Variants in ABCC1 observed in about 807,000 individuals in gnomAD.
ABCC1 encodes the protein multidrug resistance-associated protein 1.
ABCC1 carries 83 observed loss-of-function variants against 172.9 expected under a neutral mutation model. The observed-to-expected ratio is 0.48, with a 90% CI of 0.40 to 0.58. ABCC1 has a LOEUF of 0.58. Ranked by LOEUF, ABCC1 falls within the 20% of genes least tolerant of loss-of-function variation. The probability of loss-of-function intolerance (pLI) is 0.00; values close to 1 mark genes in which losing one functional copy is unlikely to be tolerated. For missense variants in ABCC1, 1,817 were observed against 2,002.7 expected (o/e 0.91, Z 1.77); for synonymous variants, 937 against 825.2 (o/e 1.14, Z -2.32).
chr16:16,020,646 CT>C (rs945849854), intron 5 of ABCC1, among the ~76,000 whole-genome samples: 5 of 152,182 alleles, frequency 3.3e-5, no homozygotes, highest in African/African-American at 1.2e-4. Context: ...TTGTCCACCC[CT>C]GGTCTAAGCA....
At position 16,045,395 on chromosome 16, in the gene ABCC1, CAAAAAAA is replaced by C. The variant is rs34870561; in HGVS notation, c.1041-424_1041-418del. Among the ~76,000 whole-genome samples, 15 of 64,704 alleles carry C rather than the reference CAAAAAAA, an allele frequency of 2.3e-4. No homozygotes were observed. The South Asian group carries it at 4.0e-3, about 17-fold the overall frequency. 42.4% of individuals were successfully genotyped at this position (64,704 alleles called of 152,430 possible). Reference sequence around the variant, plus strand: ...TTGGCGACAGAGCAAGACTTTGTCTCAAAAAAAAAAAAAAAAAAAAAAAGAATAAAAA... The same window carrying C: ...TTGGCGACAGAGCAAGACTTTGTCTCAAAAAAAAAAAAAAAAGAATAAAAA... On this transcript the variant is annotated intron_variant, in intron 8 of 30. Transcript: ENST00000399410.
chr16:16,061,626 C>G (rs1240241280), intron 12 of ABCC1, among the ~76,000 whole-genome samples: 1 of 152,156 alleles, frequency 6.6e-6, no homozygotes, highest in Non-Finnish European at 1.5e-5. Flanking sequence ...TGTGTTTTTC[C>G]AGAGTCCACG....
intron 30 of ABCC1, 41 bp from the exon 31 acceptor site, chr16:16,141,132 C>T: frequency 6.3e-7 from 1 of 1,584,592 alleles, no homozygotes; most frequent in African/African-American, 1.3e-5. Context: ...GAGGTGCTCA[C>T]CCCTCCCCTT....
chr16:16,068,447 T>C, intron 13 of ABCC1, 145 bp downstream of exon 13: 1 of 933,032 alleles, frequency 1.1e-6, no homozygotes, highest in African/African-American at 1.6e-5. Flanking sequence ...CATGCTTTCG[T>C]CTGGTCATGC....
intron 22 of ABCC1, among the ~76,000 whole-genome samples, chr16:16,111,915 C>G (rs2052404386): frequency 6.6e-6 from 1 of 152,164 alleles, no homozygotes. Flanking sequence ...GACAGAGCTT[C>G]CATGAGGTCT....
At chr16:16,123,198 G>A (rs1220940073) in intron 24 of ABCC1, among the ~76,000 whole-genome samples, 1 of 152,094 alleles carries the variant, frequency 6.6e-6, no homozygotes, top group Non-Finnish European at 1.5e-5. Flanking sequence ...TGTGTCTGTC[G>A]GAGTAGTGAG....
At chr16:16,125,578 G>A (rs957934380) in intron 25 of ABCC1, among the ~76,000 whole-genome samples, 17 of 151,974 alleles carry the variant, frequency 1.1e-4, no homozygotes, top group East Asian at 9.7e-4. Flanking sequence ...ACAGGTGTGC[G>A]TCACCATGCC....
intron 18 of ABCC1, among the ~76,000 whole-genome samples, chr16:16,089,572 A>G (rs2051153789): frequency 6.6e-6 from 1 of 151,802 alleles, no homozygotes; most frequent in East Asian, 1.9e-4. Flanking sequence ...AAAAGAAGAA[A>G]AAAATTAAGC....
At chr16:15,991,807 C>T (rs747505141) in intron 1 of ABCC1, among the ~76,000 whole-genome samples, 1 of 152,124 alleles carries the variant, frequency 6.6e-6, no homozygotes, top group Non-Finnish European at 1.5e-5. Context: ...GCTTCTCTGT[C>T]ACCCCTTTCG....
rs527276904 is a variant in ABCC1 at position 16,076,143 on chromosome 16, C to T, written c.1913-183C>T. On this transcript the variant is annotated intron_variant, in intron 14 of 30. Transcript: ENST00000399410. ...TTCTGCTTTCTGGGTCTGGGGCTGC[C>T]TCCAGAACTGCAGGTTGAGTTTCTT... 298 of 606,660 alleles carry T rather than the reference C, an allele frequency of 4.9e-4. 1 individual carries two copies. Among genetic ancestry groups the T allele is most frequent in the Middle Eastern group, 3.0e-3 (11 of 3,724 alleles). The allele number at this position is 606,660 out of a possible 1,614,324, so 37.6% of individuals were successfully genotyped here. A position where few individuals can be genotyped will look rare whatever the true frequency, so the allele number is the denominator to read the frequency against.
intron 25 of ABCC1, among the ~76,000 whole-genome samples, chr16:16,125,585 T>C (rs187448084): frequency 1.3e-5 from 2 of 152,054 alleles, no homozygotes; most frequent in Admixed American, 1.3e-4. Flanking sequence ...TGCGTCACCA[T>C]GCCTGGCTAA....
chr16:16,129,694 G>C (rs2045601713), intron 26 of ABCC1, among the ~76,000 whole-genome samples: 6 of 151,770 alleles, frequency 4.0e-5, no homozygotes, highest in Admixed American at 3.9e-4. Flanking sequence ...CCCACCATCA[G>C]GCCCAGCTAA....
chr16:16,037,132 A>C (rs2048788419), intron 7 of ABCC1, among the ~76,000 whole-genome samples: 1 of 151,904 alleles, frequency 6.6e-6, no homozygotes, highest in Non-Finnish European at 1.5e-5. Flanking sequence ...AATGTTGTCC[A>C]AACAGGCAGT....
upstream of ABCC1, among the ~76,000 whole-genome samples, chr16:15,949,376 G>T (rs2045794062): frequency 6.6e-6 from 1 of 151,860 alleles, no homozygotes; most frequent in South Asian, 2.1e-4. Context: ...TCCGGAAGGC[G>T]AGCCAACGCT....
chr16:16,055,872 G>A (rs1200539257), intron 11 of ABCC1, among the ~76,000 whole-genome samples: 1 of 151,506 alleles, frequency 6.6e-6, no homozygotes, highest in Non-Finnish European at 1.5e-5. Context: ...GAGGCCCAGT[G>A]CGGTGGCTCA....
intron 22 of ABCC1, among the ~76,000 whole-genome samples, chr16:16,112,388 C>A (rs1183587114): frequency 2.1e-5 from 3 of 145,126 alleles, no homozygotes; most frequent in Non-Finnish European, 4.5e-5. Context: ...AAAAAAAAAA[C>A]CCTGCTCTAT....
chr16:16,083,674 T>A, intron 17 of ABCC1, 132 bp downstream of exon 17: 1 of 1,173,222 alleles, frequency 8.5e-7, no homozygotes, highest in Non-Finnish European at 1.2e-6. Context: ...GCGGCTCTGC[T>A]GCACGCTGCA....
chr16:16,069,167 TAAAAATAAATAAATAA>T (rs1567368977), intron 13 of ABCC1, among the ~76,000 whole-genome samples: 1 of 121,318 alleles, frequency 8.2e-6, no homozygotes, highest in East Asian at 2.4e-4. Context: ...TAAAATAAAA[TAAAAATAAATAAATAA>T]ATAAATAAAT....
chr16:15,990,791 A>G (rs1240545748), intron 1 of ABCC1, among the ~76,000 whole-genome samples: 1 of 149,500 alleles, frequency 6.7e-6, no homozygotes, highest in Non-Finnish European at 1.5e-5. Context: ...CTGGAACCAC[A>G]GGTGCCTGCC....
Sources: gnomAD v4.1 joint callset for allele counts (sites outside exome capture counted in the v4.1 genomes callset) on GRCh38, gnomAD v4.1.1 for gene constraint, MANE v1.5 for transcripts, NCBI Gene and HGNC (gene_info 2026-07-23, HGNC 2026-07-21) for gene names.